The following NCKAP5 variants were observed in gnomAD, a reference collection of about 807,000 sequenced individuals.
NCKAP5 encodes NCK associated protein 5.
NCKAP5 carries 92 observed loss-of-function variants against 167.0 expected under a neutral mutation model. The observed-to-expected ratio is 0.55, with a 90% CI of 0.47 to 0.66. The LOEUF is 0.66. Among genes scored for constraint, NCKAP5 ranks in the 30% least tolerant of loss-of-function variants. The pLI is 0.00. For missense variants in NCKAP5, 2,378 were observed against 2,315.0 expected (o/e 1.03, Z -0.56); for synonymous variants, 891 against 877.4 (o/e 1.02, Z -0.27).
At chr2:133,546,252 C>T (rs926926404) in intron 2 of NCKAP5, among the ~76,000 whole-genome samples, 16 of 152,068 alleles carry the variant, frequency 1.1e-4, no homozygotes, top group African/African-American at 3.9e-4. Flanking sequence ...TCTGAGTGAA[C>T]AGATTTGCAG....
At position 132,719,774 on chromosome 2, in the gene NCKAP5, G is replaced by A. The variant is rs368771532; in HGVS notation, c.5713+5853C>T. Among the ~76,000 whole-genome samples, 10 of 152,340 alleles carry A rather than the reference G, an allele frequency of 6.6e-5. No individual in the cohort carries two copies. The South Asian group carries it at 1.0e-3, about 16-fold the overall frequency. Reference sequence around the variant, plus strand: ...GCCTTGGGATGGCCAGAGCATGGACGATGAGAGCGGGAGAGTCCAGGGCGA... The same window carrying A: ...GCCTTGGGATGGCCAGAGCATGGACAATGAGAGCGGGAGAGTCCAGGGCGA... On this transcript the variant is annotated intron_variant, in intron 19 of 19. Coordinates refer to ENST00000409261, the MANE Select transcript of NCKAP5 (RefSeq NM_207363.3).
At chr2:132,724,558 T>C (rs986666587) in intron 19 of NCKAP5, among the ~76,000 whole-genome samples, 2 of 152,110 alleles carry the variant, frequency 1.3e-5, no homozygotes, top group South Asian at 2.1e-4. Flanking sequence ...GGCATCTTCA[T>C]TGGGCGAGCT....
chr2:133,018,844 G>A (rs962036811), intron 6 of NCKAP5, among the ~76,000 whole-genome samples: 19 of 152,300 alleles, frequency 1.2e-4, no homozygotes, highest in African/African-American at 4.3e-4. Context: ...TTCACGGTCA[G>A]CATGATATAA....
chr2:132,766,943 T>C (rs1335212993), intron 16 of NCKAP5, among the ~76,000 whole-genome samples: 1 of 152,216 alleles, frequency 6.6e-6, no homozygotes, highest in African/African-American at 2.4e-5. Context: ...AGATACTTTA[T>C]GGTTGGATGA....
At chr2:133,205,673 A>T (rs995725924) in intron 5 of NCKAP5, among the ~76,000 whole-genome samples, 5 of 152,134 alleles carry the variant, frequency 3.3e-5, no homozygotes, top group African/African-American at 1.2e-4. Flanking sequence ...TGGGATTCTC[A>T]TTAAGATTAT....
At chr2:132,890,663 A>C (rs1389509344) in intron 8 of NCKAP5, among the ~76,000 whole-genome samples, 1 of 152,210 alleles carries the variant, frequency 6.6e-6, no homozygotes, top group Non-Finnish European at 1.5e-5. Flanking sequence ...TGGAATATTG[A>C]ATCCCCTTCC....
At chr2:132,950,501 G>A (rs1487130559) in intron 8 of NCKAP5, among the ~76,000 whole-genome samples, 4 of 152,148 alleles carry the variant, frequency 2.6e-5, no homozygotes, top group African/African-American at 9.7e-5. Context: ...ACTGAGGATG[G>A]GGTAAGGTCA....
chr2:132,806,735 C>T (rs187827410), intron 11 of NCKAP5, among the ~76,000 whole-genome samples: 157 of 152,238 alleles, frequency 1.0e-3, no homozygotes, highest in South Asian at 6.6e-3. Flanking sequence ...GTTTACTGTG[C>T]TGACTGTTCC....
At chr2:133,499,721 A>G (rs1364291259) in intron 3 of NCKAP5, among the ~76,000 whole-genome samples, 1 of 152,060 alleles carries the variant, frequency 6.6e-6, no homozygotes, top group Admixed American at 6.5e-5. Context: ...GACCACGCAC[A>G]GCTAATTTTT....
rs560771866 is a variant in NCKAP5 at position 133,521,853 on chromosome 2, A to G, written c.-61-4266T>C. ...ACAGTTATTTTCAGTCAGGTTTCAA[A>G]TCACATCTGAGTGTTCTATTAATCA... is the stretch of plus-strand genomic sequence containing the variant. On this transcript the variant is annotated intron_variant, in intron 2 of 19. Coordinates refer to ENST00000409261, the MANE Select transcript of NCKAP5 (RefSeq NM_207363.3). Among the ~76,000 whole-genome samples the G allele has an allele frequency of 2.6e-5, 4 of 152,334 alleles. No individual in the cohort carries two copies. In the South Asian group the frequency reaches 8.3e-4, roughly 32 times the overall value.
intron 6 of NCKAP5, among the ~76,000 whole-genome samples, chr2:133,090,134 A>G (rs2081122965): frequency 6.6e-6 from 1 of 151,924 alleles, no homozygotes; most frequent in South Asian, 2.1e-4. Context: ...TCGGAGGCCA[A>G]CGTGGGAGGA....
intron 3 of NCKAP5, among the ~76,000 whole-genome samples, chr2:133,426,692 T>C (rs1168916310): frequency 1.3e-5 from 2 of 152,160 alleles, no homozygotes; most frequent in African/African-American, 2.4e-5. Flanking sequence ...TCATACCTTA[T>C]TCAAGTATGG....
chr2:132,744,705 A>G (rs1486350390), intron 16 of NCKAP5, among the ~76,000 whole-genome samples: 1 of 151,698 alleles, frequency 6.6e-6, no homozygotes, highest in African/African-American at 2.4e-5. Flanking sequence ...TCCAACTGAC[A>G]AACCTCCAAC....
At chr2:133,461,615 G>A (rs1224589010) in intron 3 of NCKAP5, among the ~76,000 whole-genome samples, 1 of 152,156 alleles carries the variant, frequency 6.6e-6, no homozygotes, top group East Asian at 1.9e-4. Context: ...TGTGGTTAAA[G>A]CTAGGTTGAT....
intron 6 of NCKAP5, among the ~76,000 whole-genome samples, chr2:133,022,964 G>A (rs765930804): frequency 5.3e-5 from 8 of 152,176 alleles, no homozygotes; most frequent in Non-Finnish European, 1.2e-4. Context: ...ATTGAACTAA[G>A]AGCTGCAACT....
rs571511680 is a variant in NCKAP5 at position 133,479,933 on chromosome 2, T to A, written c.69+37525A>T. On this transcript the variant is annotated intron_variant, in intron 3 of 19. Transcript: ENST00000409261. The stretch of plus-strand genomic sequence containing the variant: ...TATTTAGGATTTGTTTTCTTTTTCC[T>A]TTTTTTTTTTTTTTTTGAGACAGAG... Among the ~76,000 whole-genome samples, 437 of 89,172 alleles carry A rather than the reference T, an allele frequency of 4.9e-3. 5 individuals carry two copies. The highest frequency in any genetic ancestry group is 0.036 in the African/African-American group (418 of 11,568). 58.5% of individuals were successfully genotyped at this position (89,172 alleles called of 152,430 possible).
At chr2:133,130,350 G>T (rs2082556962) in intron 5 of NCKAP5, among the ~76,000 whole-genome samples, 1 of 152,134 alleles carries the variant, frequency 6.6e-6, no homozygotes, top group Admixed American at 6.5e-5. Context: ...TGACTCCCAG[G>T]TGACTTAATT....
intron 2 of NCKAP5, among the ~76,000 whole-genome samples, chr2:133,546,856 G>C (rs1284470485): frequency 6.6e-6 from 1 of 152,188 alleles, no homozygotes; most frequent in Non-Finnish European, 1.5e-5. Flanking sequence ...TGCTTCAAAA[G>C]ATTGAGAAAG....
intron 2 of NCKAP5, among the ~76,000 whole-genome samples, chr2:133,542,662 C>T (rs965241255): frequency 5.3e-5 from 8 of 152,200 alleles, no homozygotes; most frequent in Admixed American, 5.2e-4. Flanking sequence ...ATCTTTTACA[C>T]TGTGATCTTC....
Sources: allele counts gnomAD v4.1 joint callset (sites outside exome capture counted in the v4.1 genomes callset), GRCh38; gene constraint gnomAD v4.1.1; transcripts MANE v1.5; gene names NCBI Gene and HGNC (gene_info 2026-07-23, HGNC 2026-07-21).